Variants in PDE4D observed in about 807,000 individuals in gnomAD.
PDE4D encodes 3',5'-cyclic-AMP phosphodiesterase 4D.
Under a neutral mutation model 87.4 loss-of-function variants are expected in PDE4D, and 24 were observed. The ratio of observed to expected loss-of-function variants is 0.27; its 90% CI spans 0.20 to 0.39. The LOEUF is 0.39. Among genes scored for constraint, PDE4D ranks in the 10% least tolerant of loss-of-function variants. PDE4D has a pLI of 1.00. For missense variants in PDE4D, 714 were observed against 1,041.0 expected (o/e 0.69, Z 4.32); for synonymous variants, 384 against 383.2 (o/e 1.00, Z -0.02).
At chr5:58,999,859 T>A in intron 6 of PDE4D, 1 of 987,594 alleles carries the variant, frequency 1.0e-6, no homozygotes, top group Non-Finnish European at 1.2e-6. Flanking sequence ...CTCCAGGGCT[T>A]AATGAATAAT....
intron 3 of PDE4D, among the ~76,000 whole-genome samples, chr5:59,904,182 T>G (rs572094860): frequency 3.6e-4 from 55 of 152,318 alleles, no homozygotes; most frequent in Middle Eastern, 3.4e-3. Flanking sequence ...ATACTATGCT[T>G]TACCATGTGC....
chr5:60,039,802 T>C (rs1768257357), intron 2 of PDE4D, among the ~76,000 whole-genome samples: 1 of 152,102 alleles, frequency 6.6e-6, no homozygotes, highest in South Asian at 2.1e-4. Flanking sequence ...AAAATTGTAA[T>C]AGCCACCATC....
At chr5:60,134,790 G>A (rs534663463) in intron 2 of PDE4D, among the ~76,000 whole-genome samples, 54 of 152,228 alleles carry the variant, frequency 3.5e-4, no homozygotes, top group Middle Eastern at 3.4e-3. Flanking sequence ...AATGTCCAGT[G>A]CAAACTTTTC....
intron 5 of PDE4D, among the ~76,000 whole-genome samples, chr5:59,092,254 G>A (rs1237997291): frequency 1.3e-5 from 2 of 152,154 alleles, no homozygotes; most frequent in Non-Finnish European, 2.9e-5. Flanking sequence ...GATGTTTGCT[G>A]TTGTATACAC....
At chr5:59,172,039 TA>T (rs1413528451) in intron 5 of PDE4D, among the ~76,000 whole-genome samples, 4 of 5,320 alleles carry the variant, frequency 7.5e-4, no homozygotes, top group South Asian at 2.8e-3. Flanking sequence ...ATATATATTA[TA>T]TATATAATAT....
At chr5:59,031,554 A>G (rs1380565901) in intron 6 of PDE4D, among the ~76,000 whole-genome samples, 2 of 148,852 alleles carry the variant, frequency 1.3e-5, no homozygotes, top group African/African-American at 4.9e-5. Flanking sequence ...TAAAAATACA[A>G]AAAATTAGTG....
intron 1 of PDE4D, among the ~76,000 whole-genome samples, chr5:60,417,719 G>A (rs1281000455): frequency 5.9e-5 from 9 of 151,480 alleles, no homozygotes; most frequent in African/African-American, 2.2e-4. Context: ...CCAAGAAGAA[G>A]AAAAAAAACT....
chr5:59,285,121 G>A (rs1358439579), intron 1 of PDE4D, among the ~76,000 whole-genome samples: 2 of 135,324 alleles, frequency 1.5e-5, no homozygotes, highest in African/African-American at 5.6e-5. Context: ...TAGATGACGC[G>A]TTAGTGGGTG....
chr5:59,762,184 A>G (rs531099046), intron 1 of PDE4D, among the ~76,000 whole-genome samples: 1 of 139,422 alleles, frequency 7.2e-6, no homozygotes, highest in East Asian at 2.0e-4. Context: ...AGGTATATAT[A>G]TGTATATGGG....
chr5:59,721,562 G>A (rs559113962), intron 1 of PDE4D, among the ~76,000 whole-genome samples: 17 of 152,072 alleles, frequency 1.1e-4, no homozygotes, highest in Non-Finnish European at 2.4e-4. Context: ...TAGGAAAATT[G>A]GGGCTTAATC....
At chr5:60,313,974 C>A (rs1283798573) in intron 1 of PDE4D, among the ~76,000 whole-genome samples, 1 of 152,114 alleles carries the variant, frequency 6.6e-6, no homozygotes, top group Non-Finnish European at 1.5e-5. Flanking sequence ...AAACCCACAG[C>A]CAACATCATA....
chr5:59,621,960 G>A (rs376764926), intron 1 of PDE4D, among the ~76,000 whole-genome samples: 29 of 152,226 alleles, frequency 1.9e-4, no homozygotes, highest in Admixed American at 2.6e-4. Flanking sequence ...ATATTTATAC[G>A]TTATAGTTTA....
intron 1 of PDE4D, among the ~76,000 whole-genome samples, chr5:60,196,732 G>T (rs1172897391): frequency 6.6e-6 from 1 of 151,622 alleles, no homozygotes; most frequent in Non-Finnish European, 1.5e-5. Context: ...AAAATCTCTG[G>T]TGCAAGCTGC....
intron 5 of PDE4D, among the ~76,000 whole-genome samples, chr5:59,096,685 G>A (rs1769781290): frequency 6.6e-6 from 1 of 152,164 alleles, no homozygotes; most frequent in Non-Finnish European, 1.5e-5. Flanking sequence ...GAGTTCTTCT[G>A]ATATCAGGCA....
At chr5:59,483,748 C>G (rs1804646991) in intron 1 of PDE4D, among the ~76,000 whole-genome samples, 1 of 152,164 alleles carries the variant, frequency 6.6e-6, no homozygotes, top group Non-Finnish European at 1.5e-5. Context: ...CTGCAACCTG[C>G]TAAGGCTGGA....
chr5:59,712,393 CATATATATATATATATATATAT>C (rs5868190), intron 1 of PDE4D, among the ~76,000 whole-genome samples: 3 of 122,594 alleles, frequency 2.4e-5, no homozygotes, highest in East Asian at 2.3e-4. Context: ...TAATATTATT[CATATATATATATATATATATAT>C]ATATATATAT....
intron 1 of PDE4D, among the ~76,000 whole-genome samples, chr5:59,346,353 G>A (rs1180935565): frequency 6.6e-6 from 1 of 151,996 alleles, no homozygotes. Context: ...TCCTTGCAGA[G>A]TGCTAAGGGT....
At chr5:59,335,134 C>T (rs1211183607) in intron 1 of PDE4D, among the ~76,000 whole-genome samples, 1 of 152,096 alleles carries the variant, frequency 6.6e-6, no homozygotes. Flanking sequence ...TGTTTTTCTT[C>T]GCTATTCCTT....
intron 1 of PDE4D, among the ~76,000 whole-genome samples, chr5:60,282,238 T>TATATATATATGTA (rs202140336): frequency 7.1e-6 from 1 of 140,728 alleles, no homozygotes. Flanking sequence ...TATATATATA[T>TATATATATATGTA]TTCTCAAAAT....
Sources: gnomAD v4.1 joint callset for allele counts (sites outside exome capture counted in the v4.1 genomes callset) on GRCh38, gnomAD v4.1.1 for gene constraint, MANE v1.5 for transcripts, NCBI Gene and HGNC (gene_info 2026-07-23, HGNC 2026-07-21) for gene names.